Variants in SAMD5 observed in about 807,000 individuals in gnomAD.
SAMD5 encodes sterile alpha motif domain containing 5.
A neutral mutation model predicts 11.3 loss-of-function variants in SAMD5; 13 were observed. That is an observed-to-expected ratio of 1.15 (90% CI 0.75 to 1.83). The LOEUF (loss-of-function observed/expected upper bound fraction) is 1.83, where lower values mean the gene tolerates loss of function less well. SAMD5 is among the 40% of genes most tolerant of loss of function. The pLI is 0.00. For synonymous variants in SAMD5, 129 were observed against 111.3 expected (o/e 1.16, Z -1.00); for missense variants, 255 against 239.1 (o/e 1.07, Z -0.44).
At chr6:147,937,640 A>G in the SAMD5 span, among the ~76,000 whole-genome samples, 1 of 152,200 alleles carries the variant, frequency 6.6e-6, no homozygotes, top group African/African-American at 2.4e-5. Flanking sequence ...AATGGTTCAA[A>G]CTACAGACAA....
At chr6:147,812,295 G>A in the SAMD5 span, among the ~76,000 whole-genome samples, 17,630 of 152,056 alleles carry the variant, frequency 0.12, 1,268 homozygotes, top group East Asian at 0.33. Flanking sequence ...GAAGAGGCTC[G>A]GCAAATTCAC....
the SAMD5 span, among the ~76,000 whole-genome samples, chr6:147,808,123 G>A: frequency 6.6e-6 from 1 of 152,186 alleles, no homozygotes; most frequent in African/African-American, 2.4e-5. Context: ...GGGATCTATG[G>A]TCAGTTCCAT....
the SAMD5 span, among the ~76,000 whole-genome samples, chr6:147,849,158 A>ATT: frequency 0.025 from 3,450 of 140,710 alleles, 113 homozygotes; most frequent in African/African-American, 0.067. Flanking sequence ...CTATATGTGA[A>ATT]TTTTTTTTTT....
the SAMD5 span, among the ~76,000 whole-genome samples, chr6:147,938,467 A>G: frequency 6.6e-6 from 1 of 152,228 alleles, no homozygotes; most frequent in Non-Finnish European, 1.5e-5. Flanking sequence ...ATAGACTAGT[A>G]GGAGAGATGG....
At chr6:147,895,463 A>C in the SAMD5 span, among the ~76,000 whole-genome samples, 27 of 152,330 alleles carry the variant, frequency 1.8e-4, no homozygotes, top group African/African-American at 6.5e-4. Context: ...AAATGGAAGC[A>C]GCATCAGATG....
At chr6:147,697,531 G>A (rs544216629) in intron 1 of SAMD5, among the ~76,000 whole-genome samples, 12 of 152,152 alleles carry the variant, frequency 7.9e-5, no homozygotes, top group South Asian at 4.2e-4. Flanking sequence ...ATGTTTCAGC[G>A]TTTTGTTCAG....
At chr6:147,570,100 A>T, downstream of SAMD5, 1 of 779,464 alleles carries the variant, frequency 1.3e-6, no homozygotes, top group African/African-American at 1.9e-5. Flanking sequence ...AATTGACAAT[A>T]TGTAAATATT....
At chr6:147,753,728 T>A in the SAMD5 span, among the ~76,000 whole-genome samples, 1 of 150,790 alleles carries the variant, frequency 6.6e-6, no homozygotes, top group Non-Finnish European at 1.5e-5. Flanking sequence ...TCCCAGCCTC[T>A]GTAACCATCT....
chr6:147,629,042 G>A (rs570239207), intron 1 of SAMD5, among the ~76,000 whole-genome samples: 1 of 152,256 alleles, frequency 6.6e-6, no homozygotes, highest in Non-Finnish European at 1.5e-5. Flanking sequence ...TGTAATCCCA[G>A]CATTTTGGGA....
chr6:147,691,759 C>T (rs551567506), intron 1 of SAMD5, among the ~76,000 whole-genome samples: 74 of 152,306 alleles, frequency 4.9e-4, no homozygotes, highest in African/African-American at 1.7e-3. Context: ...TTATTATTCT[C>T]ATTTCTGAAT....
chr6:147,825,368 T>G, the SAMD5 span, among the ~76,000 whole-genome samples: 1 of 152,352 alleles, frequency 6.6e-6, no homozygotes, highest in Admixed American at 6.5e-5. Flanking sequence ...GTAGTGTATC[T>G]TCTTTACAGT....
At chr6:147,923,539 G>T in the SAMD5 span, among the ~76,000 whole-genome samples, 1 of 152,032 alleles carries the variant, frequency 6.6e-6, no homozygotes. Context: ...AAGTGCTTTC[G>T]GTTTAGATTT....
At chr6:147,698,554 C>A (rs1446638841) in intron 1 of SAMD5, among the ~76,000 whole-genome samples, 1 of 152,188 alleles carries the variant, frequency 6.6e-6, no homozygotes, top group East Asian at 1.9e-4. Flanking sequence ...TCTGAGCACA[C>A]TTCTGTCATA....
At chr6:147,873,500 G>A in the SAMD5 span, among the ~76,000 whole-genome samples, 1 of 152,050 alleles carries the variant, frequency 6.6e-6, no homozygotes, top group Non-Finnish European at 1.5e-5. Flanking sequence ...TAATTGTAAT[G>A]TGAGTTTTAT....
the SAMD5 span, among the ~76,000 whole-genome samples, chr6:147,746,553 G>A: frequency 7.2e-5 from 11 of 152,200 alleles, no homozygotes; most frequent in African/African-American, 2.4e-4. Context: ...TAGAGTTAAA[G>A]AGGAAATCCA....
rs149713604 is a variant in SAMD5 at position 147,527,274 on chromosome 6, G to A, written c.459+17887G>A. On this transcript the variant is annotated intron_variant, in intron 1 of 1. Coordinates refer to ENST00000367474, the MANE Select transcript of SAMD5 (RefSeq NM_001030060.3). ...CAGGCTGTACAGGAAGCATGGCAAC[G>A]TCTGCTTCCAGGGAGGCCTCAGAGA... Among the ~76,000 whole-genome samples, 11 of 152,264 alleles carry A rather than the reference G, an allele frequency of 7.2e-5. 1 individual carries two copies. The highest frequency in any genetic ancestry group is 4.2e-4 in the South Asian group (2 of 4,816).
intron 1 of SAMD5, among the ~76,000 whole-genome samples, chr6:147,683,195 A>G (rs1233888519): frequency 2.6e-5 from 4 of 152,210 alleles, no homozygotes; most frequent in Admixed American, 1.3e-4. Context: ...AAAACTTACA[A>G]ACAGAATTGA....
intron 1 of SAMD5, among the ~76,000 whole-genome samples, chr6:147,522,912 G>C (rs1788276162): frequency 6.6e-6 from 1 of 152,144 alleles, no homozygotes; most frequent in African/African-American, 2.4e-5. Flanking sequence ...TTTTGAACTG[G>C]GGACAGAGAC....
chr6:147,528,584 G>A (rs1191884707), intron 1 of SAMD5, among the ~76,000 whole-genome samples: 1 of 152,140 alleles, frequency 6.6e-6, no homozygotes, highest in Non-Finnish European at 1.5e-5. Context: ...TAACTTTAGG[G>A]GGATGCAGTT....
Sources: allele counts gnomAD v4.1 joint callset (sites outside exome capture counted in the v4.1 genomes callset), GRCh38; gene constraint gnomAD v4.1.1; transcripts MANE v1.5; gene names NCBI Gene and HGNC (gene_info 2026-07-23, HGNC 2026-07-21).